HS6ST3: variants seen among roughly 807,000 people sequenced by gnomAD.
HS6ST3 encodes the protein heparan-sulfate 6-O-sulfotransferase 3.
Under a neutral mutation model 36.7 loss-of-function variants are expected in HS6ST3, and 12 were observed. The observed-to-expected ratio is 0.33, with a 90% CI of 0.21 to 0.53. The LOEUF (loss-of-function observed/expected upper bound fraction) is 0.53. Ranked by LOEUF, HS6ST3 falls within the 20% of genes least tolerant of loss-of-function variation. The pLI is 0.95. For missense variants in HS6ST3, 584 were observed against 640.9 expected (o/e 0.91, Z 0.96); for synonymous variants, 240 against 257.5 (o/e 0.93, Z 0.65).
At chr13:96,619,068 ATAG>A (rs1207319811) in intron 1 of HS6ST3, among the ~76,000 whole-genome samples, 1 of 152,048 alleles carries the variant, frequency 6.6e-6, no homozygotes, top group Non-Finnish European at 1.5e-5. Context: ...GATTCAAATG[ATAG>A]TTCTTCTCTA....
chr13:96,762,495 A>G (rs190650530), intron 1 of HS6ST3, among the ~76,000 whole-genome samples: 2 of 152,272 alleles, frequency 1.3e-5, no homozygotes, highest in Non-Finnish European at 2.9e-5. Flanking sequence ...ACAAAACAAA[A>G]AATGCTCTAA....
At chr13:96,767,387 C>G (rs1877144934) in intron 1 of HS6ST3, among the ~76,000 whole-genome samples, 2 of 152,180 alleles carry the variant, frequency 1.3e-5, no homozygotes, top group African/African-American at 4.8e-5. Context: ...ATGTCTCAAT[C>G]AAAGCTCTCC....
At chr13:96,504,303 C>T (rs1450999081) in intron 1 of HS6ST3, among the ~76,000 whole-genome samples, 1 of 152,122 alleles carries the variant, frequency 6.6e-6, no homozygotes, top group East Asian at 1.9e-4. Context: ...ACTCTCACAT[C>T]CATGACTGCT....
chr13:96,562,033 G>A (rs2056264140), intron 1 of HS6ST3, among the ~76,000 whole-genome samples: 1 of 152,146 alleles, frequency 6.6e-6, no homozygotes. Context: ...CTGGGTATAT[G>A]TCCAAAAGAA....
chr13:96,557,276 A>G (rs1476112652), intron 1 of HS6ST3, among the ~76,000 whole-genome samples: 2 of 152,228 alleles, frequency 1.3e-5, no homozygotes, highest in Non-Finnish European at 2.9e-5. Flanking sequence ...CTGAGCTCAT[A>G]TGACTAACAG....
At chr13:96,537,149 C>T (rs932116245) in intron 1 of HS6ST3, among the ~76,000 whole-genome samples, 10 of 152,108 alleles carry the variant, frequency 6.6e-5, no homozygotes, top group Admixed American at 5.2e-4. Context: ...GCTGGGGAGG[C>T]CTCATAATCA....
At chr13:96,574,138 C>A in intron 1 of HS6ST3, 1 of 534,578 alleles carries the variant, frequency 1.9e-6, no homozygotes, top group Non-Finnish European at 3.8e-6. Flanking sequence ...TTAGCCATTG[C>A]ATTTAAGGAC....
At chr13:96,740,919 A>AT (rs1446675429) in intron 1 of HS6ST3, among the ~76,000 whole-genome samples, 4 of 152,226 alleles carry the variant, frequency 2.6e-5, no homozygotes, top group African/African-American at 9.6e-5. Context: ...ACAATACTTG[A>AT]TTAAACAAGT....
chr13:96,145,462 G>A (rs2054053067), intron 1 of HS6ST3, among the ~76,000 whole-genome samples: 1 of 152,168 alleles, frequency 6.6e-6, no homozygotes, highest in African/African-American at 2.4e-5. Context: ...CTTTTGAGAA[G>A]TGTCTGTTAT....
chr13:96,643,063 A>G (rs1041853810), intron 1 of HS6ST3, among the ~76,000 whole-genome samples: 14 of 151,932 alleles, frequency 9.2e-5, no homozygotes, highest in Admixed American at 2.6e-4. Context: ...ATTTGTTGCT[A>G]TTTATTATTT....
intron 1 of HS6ST3, among the ~76,000 whole-genome samples, chr13:96,188,392 A>T (rs972186003): frequency 2.0e-5 from 3 of 152,208 alleles, no homozygotes; most frequent in Non-Finnish European, 4.4e-5. Context: ...AAGCTGGAGA[A>T]TCTCTTGAGG....
intron 1 of HS6ST3, among the ~76,000 whole-genome samples, chr13:96,193,983 GTAA>G (rs1301989373): frequency 7.9e-5 from 12 of 152,138 alleles, no homozygotes; most frequent in African/African-American, 2.9e-4. Flanking sequence ...CTGCTTTTCA[GTAA>G]TAATAACAAC....
chr13:96,527,204 C>T (rs1003506715), intron 1 of HS6ST3, among the ~76,000 whole-genome samples: 1 of 152,022 alleles, frequency 6.6e-6, no homozygotes, highest in Non-Finnish European at 1.5e-5. Context: ...AGCCTCCCAA[C>T]TCAGCTTTGC....
At chr13:96,708,127 G>A (rs1342839397) in intron 1 of HS6ST3, among the ~76,000 whole-genome samples, 1 of 152,202 alleles carries the variant, frequency 6.6e-6, no homozygotes, top group Non-Finnish European at 1.5e-5. Flanking sequence ...AAGTGCTGGT[G>A]TCATGAGTTC....
At chr13:96,433,168 A>C (rs879154361) in intron 1 of HS6ST3, among the ~76,000 whole-genome samples, 1 of 152,320 alleles carries the variant, frequency 6.6e-6, no homozygotes, top group African/African-American at 2.4e-5. Flanking sequence ...GGTTCTGATA[A>C]GAAACAGTCA....
intron 1 of HS6ST3, among the ~76,000 whole-genome samples, chr13:96,367,520 T>G (rs1407380195): frequency 1.3e-5 from 2 of 152,214 alleles, no homozygotes; most frequent in Non-Finnish European, 2.9e-5. Context: ...TTACTATGCT[T>G]TCTTTCCTGG....
intron 1 of HS6ST3, among the ~76,000 whole-genome samples, chr13:96,703,304 T>C (rs1214889611): frequency 6.6e-6 from 1 of 152,202 alleles, no homozygotes; most frequent in Non-Finnish European, 1.5e-5. Context: ...TTAAGAACTG[T>C]ATTTAACAAA....
intron 1 of HS6ST3, among the ~76,000 whole-genome samples, chr13:96,412,754 T>C (rs889503880): frequency 1.3e-5 from 2 of 151,934 alleles, no homozygotes; most frequent in African/African-American, 4.8e-5. Flanking sequence ...TCCAACTCAA[T>C]TTGAAATGAA....
intron 1 of HS6ST3, among the ~76,000 whole-genome samples, chr13:96,386,791 G>A (rs371400477): frequency 3.9e-5 from 6 of 152,100 alleles, no homozygotes; most frequent in Admixed American, 6.6e-5. Context: ...GCTTGAACCC[G>A]GGAGGCAGAG....
Sources: gnomAD v4.1 joint callset for allele counts (sites outside exome capture counted in the v4.1 genomes callset) on GRCh38, gnomAD v4.1.1 for gene constraint, MANE v1.5 for transcripts, NCBI Gene and HGNC (gene_info 2026-07-23, HGNC 2026-07-21) for gene names.